Variants in TKT observed in about 807,000 individuals in gnomAD.
The protein encoded by TKT is transketolase.
A neutral mutation model predicts 63.9 loss-of-function variants in TKT; 47 were observed. That is an observed-to-expected ratio of 0.74 (90% CI 0.58 to 0.94). The LOEUF is 0.94. TKT is among the 40% of genes least tolerant of loss of function. The pLI is 0.00. For missense variants in TKT, 721 were observed against 846.2 expected, an observed-to-expected ratio of 0.85 and a Z score of 1.84; for synonymous variants, 338 against 334.1, an observed-to-expected ratio of 1.01 and a Z score of -0.13.
At chr3:53,228,221 C>T in intron 11 of TKT, 55 bp downstream of exon 11, 19 of 1,613,348 alleles carry the variant, frequency 1.2e-5, no homozygotes, top group Non-Finnish European at 1.5e-5. Context: ...CTGGGAGTCA[C>T]AGCAGGGAGG....
chr3:53,247,502 G>T lies in TKT; in HGVS notation c.108-5260C>A, dbSNP rs145960358. Among the ~76,000 whole-genome samples, 981 of 151,338 alleles carry T rather than the reference G, an allele frequency of 6.5e-3. 11 individuals carry two copies. Among genetic ancestry groups the T allele is most frequent in the African/African-American group, 0.022 (911 of 41,212 alleles). ...ACACAAAAATTAGCTGGGCATGGTG[G>T]TGCGGGCCACTAGTCCCAGCTACTT... On this transcript the variant is annotated intron_variant, in intron 1 of 13. Transcript: ENST00000462138.
intron 1 of TKT, among the ~76,000 whole-genome samples, chr3:53,244,748 C>A (rs1428786089): frequency 2.0e-5 from 3 of 152,068 alleles, no homozygotes; most frequent in African/African-American, 7.2e-5. Flanking sequence ...GACGCCCCAT[C>A]CCGTGGTGCT....
At chr3:53,232,660 G>C (rs1190954119) in intron 6 of TKT, 1 of 397,900 alleles carries the variant, frequency 2.5e-6, no homozygotes, top group Non-Finnish European at 4.4e-6. Context: ...GCAGAACCCA[G>C]GTTCCAAACC....
intron 7 of TKT, 100 bp from the exon 8 acceptor site, chr3:53,230,721 A>G: frequency 7.1e-7 from 1 of 1,413,864 alleles, no homozygotes; most frequent in Non-Finnish European, 9.6e-7. Context: ...AACGGGGCCA[A>G]AAATGGAAGC....
chr3:53,228,878 T>C, intron 10 of TKT, 129 bp downstream of exon 10: 1 of 1,346,292 alleles, frequency 7.4e-7, no homozygotes, highest in Non-Finnish European at 1.0e-6. Context: ...TTCCACAAGC[T>C]ACACGAACAC....
intron 8 of TKT, 68 bp downstream of exon 8, chr3:53,230,389 G>A: frequency 6.3e-7 from 1 of 1,598,962 alleles, no homozygotes; most frequent in Non-Finnish European, 8.6e-7. Flanking sequence ...CAACATGGCT[G>A]CCCCGCACCC....
At chr3:53,230,213 A>G (rs1391650766) in intron 8 of TKT, among the ~76,000 whole-genome samples, 1 of 152,210 alleles carries the variant, frequency 6.6e-6, no homozygotes, top group Non-Finnish European at 1.5e-5. Flanking sequence ...TCCTCCTGAG[A>G]GCACCTGCAG....
chr3:53,239,689 C>T (rs1705189026), intron 4 of TKT, among the ~76,000 whole-genome samples: 1 of 152,126 alleles, frequency 6.6e-6, no homozygotes, highest in Non-Finnish European at 1.5e-5. Flanking sequence ...TAGAGCAGCA[C>T]ACCTTTCTGG....
At chr3:53,252,799 T>C (rs1236701207) in intron 1 of TKT, among the ~76,000 whole-genome samples, 3 of 152,070 alleles carry the variant, frequency 2.0e-5, no homozygotes, top group African/African-American at 7.2e-5. Context: ...TTCACCTTTT[T>C]CACCATTCTC....
chr3:53,252,766 C>T (rs1244379204), intron 1 of TKT, among the ~76,000 whole-genome samples: 11 of 152,160 alleles, frequency 7.2e-5, no homozygotes, highest in Non-Finnish European at 1.2e-4. Flanking sequence ...TAATATCCAC[C>T]GCGGCTGTAC....
chr3:53,240,556 C>T (rs1238771131), intron 3 of TKT, among the ~76,000 whole-genome samples: 3 of 152,244 alleles, frequency 2.0e-5, no homozygotes, highest in African/African-American at 7.2e-5. Context: ...CACTAGCCAG[C>T]TATGTGGCCT....
intron 5 of TKT, chr3:53,233,944 A>T (rs1278353481): frequency 6.6e-6 from 1 of 152,234 alleles, no homozygotes; most frequent in Non-Finnish European, 1.5e-5. Context: ...CAACTGAGAC[A>T]CCGAAGGTGG....
chr3:53,226,606 T>G (rs1704507346), intron 13 of TKT, 150 bp downstream of exon 13: 3 of 1,172,922 alleles, frequency 2.6e-6, no homozygotes, highest in African/African-American at 1.5e-5. Context: ...TGAGGCCTTT[T>G]AAGAGACCAC....
chr3:53,227,115 C>G, intron 12 of TKT: 1 of 504,274 alleles, frequency 2.0e-6, no homozygotes. Flanking sequence ...TCCAAGAACC[C>G]AGAGCGGAGC....
intron 12 of TKT, 101 bp from the exon 13 acceptor site, chr3:53,226,979 AGAGCTCAGCCTG>A: frequency 1.2e-5 from 17 of 1,438,978 alleles, no homozygotes; most frequent in Non-Finnish European, 1.6e-5. Flanking sequence ...CGTGTAGCTA[AGAGCTCAGCCTG>A]CGGGCCTGTC....
rs1333880599 is a variant in TKT, at chr3:53,224,752, A to C, written c.*1004T>G. ...TTATTCTCTCCAGACGGTCAGGAGG[A>C]CAGGTGGACGTGTCCACAAATGTGT... is the stretch of plus-strand genomic sequence containing the variant. On this transcript the variant is annotated 3_prime_UTR_variant, in exon 14 of 14. Transcript: ENST00000462138. The C allele has an allele frequency of 6.6e-6, 1 of 152,262 alleles. No individual in the cohort carries two copies. The highest frequency in any genetic ancestry group is 6.5e-5 in the Admixed American group (1 of 15,290). 9.4% of individuals were successfully genotyped at this position (152,262 alleles called of 1,614,324 possible).
At chr3:53,227,509 C>T (rs1471239044) in intron 12 of TKT, 1 of 159,052 alleles carries the variant, frequency 6.3e-6, no homozygotes, top group Non-Finnish European at 1.4e-5. Flanking sequence ...CACACCTGCC[C>T]CCTCTTTCGT....
intron 6 of TKT, 160 bp downstream of exon 6, chr3:53,232,996 A>G: frequency 1.6e-6 from 1 of 634,484 alleles, no homozygotes; most frequent in Non-Finnish European, 2.7e-6. Flanking sequence ...GCTCAGCCAC[A>G]GGGGTCACTG....
At chr3:53,226,667 C>T in intron 13 of TKT, 89 bp downstream of exon 13, 1 of 1,589,438 alleles carries the variant, frequency 6.3e-7, no homozygotes, top group Admixed American at 1.7e-5. Context: ...CACAGCTGCC[C>T]TCCTGGGGCT....
Sources: gnomAD v4.1 joint callset for allele counts (sites outside exome capture counted in the v4.1 genomes callset) on GRCh38, gnomAD v4.1.1 for gene constraint, MANE v1.5 for transcripts, NCBI Gene and HGNC (gene_info 2026-07-23, HGNC 2026-07-21) for gene names.